The following WNK2 variants were observed in gnomAD, a reference collection of about 807,000 sequenced individuals.
WNK2 encodes the protein WNK lysine deficient protein kinase 2.
In WNK2, 67 loss-of-function variants were observed where a neutral mutation model predicts 192.1. The observed-to-expected ratio is 0.35, with a 90% CI of 0.29 to 0.43. The LOEUF (loss-of-function observed/expected upper bound fraction) is 0.43. WNK2 is among the 20% of genes least tolerant of loss of function. The probability of loss-of-function intolerance (pLI) is 1.00; values close to 1 mark genes in which losing one functional copy is unlikely to be tolerated. For missense variants in WNK2, 2,698 were observed against 3,089.7 expected, an observed-to-expected ratio of 0.87 and a Z score of 3.01; for synonymous variants, 1,439 against 1,393.9, an observed-to-expected ratio of 1.03 and a Z score of -0.72.
rs758149067 is a variant in WNK2, at chr9:93,268,776, C to T, written c.4033+30C>T. ...GAGCAGCAGGCGCCCACACAAGCCC[C>T]TCCCTGTTTCATGTACAGGCCTCCT... On this transcript the variant is annotated intron_variant, in intron 19 of 29. Coordinates refer to ENST00000427277, the MANE Select transcript of WNK2 (RefSeq NM_006648.4). The T allele has an allele frequency of 1.9e-6, 3 of 1,600,388 alleles. No homozygotes were observed. In the African/African-American group the frequency reaches 4.0e-5, roughly 22 times the overall value.
chr9:93,258,671 T>C (rs1313957225), intron 11 of WNK2, among the ~76,000 whole-genome samples: 1 of 152,062 alleles, frequency 6.6e-6, no homozygotes, highest in Non-Finnish European at 1.5e-5. Context: ...CCAGGGGTGA[T>C]CGAGCAGGTC....
At chr9:93,252,832 C>A in intron 8 of WNK2, 51 bp from the exon 9 acceptor site, 1 of 1,334,394 alleles carries the variant, frequency 7.5e-7, no homozygotes, top group South Asian at 1.9e-5. Context: ...AATGTTTGTT[C>A]ATGTGACATT....
chr9:93,270,745 A>G (rs2298244), intron 19 of WNK2, among the ~76,000 whole-genome samples: 2,484 of 152,298 alleles, frequency 0.016, 49 homozygotes, highest in Admixed American at 0.057. Context: ...CTCTTGCACC[A>G]GCACGCCGAC....
chr9:93,208,516 T>A (rs1030904623), intron 2 of WNK2, among the ~76,000 whole-genome samples: 1 of 151,134 alleles, frequency 6.6e-6, no homozygotes, highest in African/African-American at 2.4e-5. Flanking sequence ...CACGTGTACA[T>A]GTTATGTGTA....
chr9:93,207,828 G>A (rs1439427928), intron 2 of WNK2, among the ~76,000 whole-genome samples: 1 of 152,148 alleles, frequency 6.6e-6, no homozygotes, highest in Non-Finnish European at 1.5e-5. Context: ...AAGAATTTGG[G>A]AAATACAGGA....
In WNK2 at chr9:93,263,613, G is replaced by A; in HGVS notation, c.3458G>A (p.Cys1153Tyr). Residue 1153 changes from cysteine to tyrosine, a missense_variant, in exon 15 of 30, where the codon TGT becomes TAT. This residue lies in a region of WNK2 where 893 missense variants were observed against 909.0 expected (regional missense o/e 0.98). Coordinates refer to ENST00000427277, the MANE Select transcript of WNK2 (RefSeq NM_006648.4). ...TCTGGAAAAGAGCTGAGTGACAGCT[G>A]TGAAGGCGCCTTTGGAGGGGGCAGG... ...VTSGKELSDSCEGAFGGGRLE... is the reference protein window; with the variant it reads ...VTSGKELSDSYEGAFGGGRLE... 1 of 1,610,476 alleles carries A rather than the reference G, an allele frequency of 6.2e-7. No homozygotes were observed. The highest frequency in any genetic ancestry group is 8.5e-7 in the Non-Finnish European group (1 of 1,179,100).
At chr9:93,303,099 T>C (rs1339537813) in intron 26 of WNK2, among the ~76,000 whole-genome samples, 2 of 152,130 alleles carry the variant, frequency 1.3e-5, no homozygotes, top group East Asian at 1.9e-4. Context: ...TTTGTATTTT[T>C]AGTAGAGACA....
chr9:93,211,278 C>CCACTCACTCACT (rs1834617308), intron 2 of WNK2, among the ~76,000 whole-genome samples: 11 of 26,502 alleles, frequency 4.2e-4, no homozygotes, highest in Non-Finnish European at 5.5e-4. Flanking sequence ...ACTCACTCAT[C>CCACTCACTCACT]CACTCACTCA....
chr9:93,232,682 C>T (rs1325020715), intron 4 of WNK2, among the ~76,000 whole-genome samples: 3 of 152,168 alleles, frequency 2.0e-5, no homozygotes, highest in East Asian at 1.9e-4. Context: ...CTCTTGGAAA[C>T]GAAGTTTCGA....
At chr9:93,308,272 G>C (rs1388729960) in intron 27 of WNK2, 56 bp from the exon 28 acceptor site, 8 of 1,518,040 alleles carry the variant, frequency 5.3e-6, no homozygotes, top group Non-Finnish European at 7.1e-6. Context: ...CCAGCCCACT[G>C]GGGGCCTGGG....
intron 24 of WNK2, 127 bp from the exon 25 acceptor site, chr9:93,298,943 G>A (rs1439189326): frequency 3.1e-6 from 3 of 953,428 alleles, no homozygotes; most frequent in Non-Finnish European, 4.6e-6. Context: ...CCATGTGCCT[G>A]TGGTCTGCAG....
chr9:93,278,932 A>G (rs916027448), intron 19 of WNK2, among the ~76,000 whole-genome samples: 1 of 152,260 alleles, frequency 6.6e-6, no homozygotes, highest in Non-Finnish European at 1.5e-5. Flanking sequence ...ACAAAACCCA[A>G]CAATTATAAA....
Position 93,257,466 on chromosome 9 carries a change from T to C in WNK2, c.2382+327T>C, listed in dbSNP as rs1843491187. On this transcript the variant is annotated intron_variant, in intron 11 of 29. Transcript: ENST00000427277. The surrounding 1 kb of genome is among the most constrained non-coding windows in gnomAD (Gnocchi z 4.7). ...CTTCCAGGCCATGACCTCCCTGGGG[T>C]CCTTCAGGGAGGGCGGGCAGCCCAG... Among the ~76,000 whole-genome samples, 1 of 152,046 alleles carries C rather than the reference T, an allele frequency of 6.6e-6. No individual in the cohort carries two copies. The highest frequency in any genetic ancestry group is 6.5e-5 in the Admixed American group (1 of 15,268).
chr9:93,226,062 T>C (rs1183326833), intron 2 of WNK2, among the ~76,000 whole-genome samples: 1 of 152,246 alleles, frequency 6.6e-6, no homozygotes, highest in Non-Finnish European at 1.5e-5. Context: ...CCTGGCTTGG[T>C]GTCCGTTTGA....
At chr9:93,306,070 C>G (rs1852474671) in intron 26 of WNK2, among the ~76,000 whole-genome samples, 1 of 152,184 alleles carries the variant, frequency 6.6e-6, no homozygotes, top group Admixed American at 6.5e-5. Context: ...GTAGTTGGGA[C>G]CAGTCGGTTT....
chr9:93,214,876 CATT>C (rs147490138), intron 2 of WNK2, among the ~76,000 whole-genome samples: 7 of 150,628 alleles, frequency 4.6e-5, no homozygotes, highest in Admixed American at 1.3e-4. Context: ...AATGTGGTGG[CATT>C]ATTATTATTA....
chr9:93,289,632 C>A lies in WNK2; in HGVS notation c.4866+12C>A. 1 of 1,452,714 alleles carries A rather than the reference C, an allele frequency of 6.9e-7. No individual in the cohort carries two copies. 90.0% of individuals were successfully genotyped at this position (1,452,714 alleles called of 1,614,324 possible). A position where few individuals can be genotyped will look rare whatever the true frequency, so the allele number is the denominator to read the frequency against. ...TGCCCCAGCCCTTGGTGAGTAGCTG[C>A]CTTGTCCCAGAGACACTGCCCTGGG... is the stretch of plus-strand genomic sequence containing the variant. On this transcript the variant is annotated intron_variant, in intron 20 of 29. Coordinates refer to ENST00000427277, the MANE Select transcript of WNK2 (RefSeq NM_006648.4).
intron 2 of WNK2, among the ~76,000 whole-genome samples, chr9:93,213,724 G>T (rs561028454): frequency 2.1e-4 from 32 of 152,060 alleles, no homozygotes; most frequent in Admixed American, 6.5e-4. Context: ...AGGAGGCAGA[G>T]GTTGCAGTAA....
At chr9:93,217,284 C>G (rs1020813867) in intron 2 of WNK2, among the ~76,000 whole-genome samples, 3 of 152,196 alleles carry the variant, frequency 2.0e-5, no homozygotes, top group Admixed American at 2.0e-4. Flanking sequence ...AGATACTACG[C>G]CGCTGCCACG....
Sources: gnomAD v4.1 joint callset for allele counts (sites outside exome capture counted in the v4.1 genomes callset) on GRCh38, gnomAD v4.1.1 for gene constraint, gnomAD v4.1.1 regional missense constraint, Gnocchi (gnomAD v3.1) non-coding constraint, MANE v1.5 for transcripts, NCBI Gene and HGNC (gene_info 2026-07-23, HGNC 2026-07-21) for gene names.